Variants in COX20 observed in about 807,000 individuals in gnomAD.
COX20 encodes the protein cytochrome c oxidase assembly protein COX20, mitochondrial.
COX20 carries 14 observed loss-of-function variants against 14.3 expected under a neutral mutation model. The observed-to-expected ratio is 0.98, with a 90% CI of 0.65 to 1.53. The LOEUF (loss-of-function observed/expected upper bound fraction) is 1.53, where lower values mean the gene tolerates loss of function less well. Among genes scored for constraint, COX20 ranks in the 40% most tolerant of loss-of-function variants. COX20 has a pLI of 0.00. For synonymous variants in COX20, 56 were observed against 51.7 expected, an observed-to-expected ratio of 1.08 and a Z score of -0.36; for missense variants, 149 against 142.1, an observed-to-expected ratio of 1.05 and a Z score of -0.25.
Position 244,843,470 on chromosome 1 carries a change from G to T in COX20, c.*294G>T, listed in dbSNP as rs778246400. Reference sequence around the variant, plus strand: ...TGTTTAATGTACTTGGAGTTTCCTTGTAGTAGTAAGTATAGAGTTTGATGA... The same window carrying T: ...TGTTTAATGTACTTGGAGTTTCCTTTTAGTAGTAAGTATAGAGTTTGATGA... On this transcript the variant is annotated 3_prime_UTR_variant, in exon 4 of 4. Coordinates refer to ENST00000411948, the MANE Select transcript of COX20 (RefSeq NM_198076.6). 2.0e-5 allele frequency: 6 copies of T among 302,168 alleles called. No individual in the cohort carries two copies. The highest frequency in any genetic ancestry group is 5.2e-5 in the Admixed American group (1 of 19,322). The allele number at this position is 302,168 out of a possible 1,614,324, so 18.7% of individuals were successfully genotyped here.
rs1368953966 is a variant in COX20 at position 244,843,780 on chromosome 1, A to G, written c.*604A>G. The G allele has an allele frequency of 6.6e-6, 1 of 152,230 alleles. No individual in the cohort carries two copies. Among genetic ancestry groups the G allele is most frequent in the Non-Finnish European group, 1.5e-5 (1 of 68,050 alleles). The allele number at this position is 152,230 out of a possible 1,614,324, so 9.4% of individuals were successfully genotyped here. A position where few individuals can be genotyped will look rare whatever the true frequency, so the allele number is the denominator to read the frequency against. ...TAAGTATAATTAGTTCTGAATTAAA[A>G]TATGCACATGGAACTTGTCTGGCAG... On this transcript the variant is annotated 3_prime_UTR_variant, in exon 4 of 4. Coordinates refer to ENST00000411948, the MANE Select transcript of COX20 (RefSeq NM_198076.6).
At chr1:244,836,954 C>CT (rs1349554499) in intron 1 of COX20, among the ~76,000 whole-genome samples, 1 of 144,776 alleles carries the variant, frequency 6.9e-6, no homozygotes, top group Non-Finnish European at 1.5e-5. Context: ...CTGGAATAAG[C>CT]TTAGTGTTTA....
At chr1:244,842,154 CG>C in intron 2 of COX20, 40 bp from the exon 3 acceptor site, 1 of 1,461,424 alleles carries the variant, frequency 6.8e-7, no homozygotes. Flanking sequence ...ATGTATATAA[CG>C]TAATTATATT....
In COX20 at chr1:244,835,722, C is replaced by G; in HGVS notation, c.8C>G (p.Ala3Gly). MA[A>G]PPEPGEPEER... ...AGTCGCGGAGTAGTCCTCATGGCCGCCCCGCCGGAGCCCGGTGAGCCCGAG... is the reference window on the plus strand; with the variant it reads ...AGTCGCGGAGTAGTCCTCATGGCCGGCCCGCCGGAGCCCGGTGAGCCCGAG... Residue 3 changes from alanine to glycine, a missense_variant, in exon 1 of 4, where the codon GCC becomes GGC. Coordinates refer to ENST00000411948, the MANE Select transcript of COX20 (RefSeq NM_198076.6). The G allele has an allele frequency of 7.9e-7, 1 of 1,268,730 alleles. No homozygotes were observed. Among genetic ancestry groups the G allele is most frequent in the Non-Finnish European group, 1.0e-6 (1 of 1,004,604 alleles). The allele number at this position is 1,268,730 out of a possible 1,614,324, so 78.6% of individuals were successfully genotyped here.
rs923581499 is a variant in COX20, at chr1:244,842,071, AT to A, written c.157+19del. ...TTTTTGTTCACTAGTGAGTATCTGT[AT>A]TTTTTATTTCTCTATGTACTAAAAA... On this transcript the variant is annotated intron_variant, in intron 2 of 3. Transcript: ENST00000411948. 1 of 1,570,602 alleles carries A rather than the reference AT, an allele frequency of 6.4e-7. No homozygotes were observed.
In COX20 at chr1:244,843,713, T is replaced by C. The variant is rs564022698; in HGVS notation, c.*537T>C. 6.6e-6 allele frequency: 1 copy of C among 152,396 alleles called. No homozygotes were observed. Among genetic ancestry groups the C allele is most frequent in the South Asian group, 2.1e-4 (1 of 4,834 alleles). 9.4% of individuals were successfully genotyped at this position (152,396 alleles called of 1,614,324 possible). ...ATCTTCCAAAAGAGTTGTTTTTAAC[T>C]GCCCTAAACATTTTTGGGGAAGTAT... On this transcript the variant is annotated 3_prime_UTR_variant, in exon 4 of 4. Coordinates refer to ENST00000411948, the MANE Select transcript of COX20 (RefSeq NM_198076.6).
rs2102978343 is a variant in COX20, at chr1:244,844,462, TA to T, written c.*1287del. The T allele has an allele frequency of 6.6e-6, 1 of 152,218 alleles. No homozygotes were observed. Among genetic ancestry groups the T allele is most frequent in the South Asian group, 2.1e-4 (1 of 4,824 alleles). 9.4% of individuals were successfully genotyped at this position (152,218 alleles called of 1,614,324 possible). ...ATTATCCAAATTAGTCGTAACCAAA[TA>T]GTTAAAAAATTCTGCTGGGCACGGT... On this transcript the variant is annotated 3_prime_UTR_variant, in exon 4 of 4. Transcript: ENST00000411948.
In COX20 at chr1:244,843,475, A is replaced by T; in HGVS notation, c.*299A>T. 1 of 297,968 alleles carries T rather than the reference A, an allele frequency of 3.4e-6. No individual in the cohort carries two copies. The highest frequency in any genetic ancestry group is 6.2e-6 in the Non-Finnish European group (1 of 160,806). 18.5% of individuals were successfully genotyped at this position (297,968 alleles called of 1,614,324 possible). ...AATGTACTTGGAGTTTCCTTGTAGTAGTAAGTATAGAGTTTGATGATAAGT... is the reference window on the plus strand; with the variant it reads ...AATGTACTTGGAGTTTCCTTGTAGTTGTAAGTATAGAGTTTGATGATAAGT... On this transcript the variant is annotated 3_prime_UTR_variant, in exon 4 of 4. Coordinates refer to ENST00000411948, the MANE Select transcript of COX20 (RefSeq NM_198076.6).
intron 3 of COX20, chr1:244,842,733 G>A (rs1052627906): frequency 1.1e-4 from 27 of 247,172 alleles, no homozygotes; most frequent in East Asian, 4.3e-4. Context: ...TTATTATCCC[G>A]TTAAAAACGA....
upstream of COX20, chr1:244,835,488 G>C: frequency 2.6e-6 from 1 of 385,896 alleles, no homozygotes; most frequent in Non-Finnish European, 4.6e-6. Flanking sequence ...TGTGTGCCGA[G>C]CTTGGAAGAA....
upstream of COX20, chr1:244,835,471 T>C (rs1679932345): frequency 5.4e-6 from 2 of 368,130 alleles, no homozygotes; most frequent in South Asian, 1.5e-4. Context: ...CTCCCGCCCC[T>C]GCAGGCTGTG....
At chr1:244,836,652 G>T in intron 1 of COX20, 1 of 740,954 alleles carries the variant, frequency 1.3e-6, no homozygotes, top group South Asian at 1.9e-5. Flanking sequence ...ATATAAACTA[G>T]GGAGATCGTA....
intron 1 of COX20, 37 bp downstream of exon 1, chr1:244,835,793 G>T: frequency 8.0e-7 from 1 of 1,245,730 alleles, no homozygotes. Context: ...GCCGCGGGTG[G>T]GCGGTGGGTA....
upstream of COX20, chr1:244,835,630 C>A (rs1449818655): frequency 4.1e-6 from 4 of 975,890 alleles, no homozygotes; most frequent in Admixed American, 9.9e-5. Flanking sequence ...CGCGTGGGGG[C>A]GGGACGGGGA....
At chr1:244,841,080 C>A (rs2102974163) in intron 1 of COX20, 1 of 152,236 alleles carries the variant, frequency 6.6e-6, no homozygotes, top group Non-Finnish European at 1.5e-5. Flanking sequence ...GTCTTGCCGC[C>A]CTAGAGTGAC....
chr1:244,841,034 C>T (rs1282893611), intron 1 of COX20: 1 of 152,180 alleles, frequency 6.6e-6, no homozygotes, highest in Non-Finnish European at 1.5e-5. Flanking sequence ...AACAGAAATG[C>T]CAGTTCAGCA....
intron 3 of COX20, 32 bp from the exon 4 acceptor site, chr1:244,843,009 T>A: frequency 6.9e-7 from 1 of 1,446,470 alleles, no homozygotes; most frequent in Non-Finnish European, 9.3e-7. Flanking sequence ...GGACTTTATA[T>A]TAACAATTTA....
intron 3 of COX20, chr1:244,842,652 G>T (rs1259375250): frequency 1.3e-5 from 3 of 238,506 alleles, no homozygotes; most frequent in Non-Finnish European, 2.4e-5. Flanking sequence ...GTACTATATG[G>T]TTCCATTTAT....
chr1:244,841,818 A>C (rs1680210468), intron 1 of COX20, 126 bp from the exon 2 acceptor site: 1 of 613,666 alleles, frequency 1.6e-6, no homozygotes, highest in East Asian at 2.7e-5. Context: ...TTAGGTTGTC[A>C]CGTGGCACAT....
Sources: allele counts gnomAD v4.1 joint callset (sites outside exome capture counted in the v4.1 genomes callset), GRCh38; gene constraint gnomAD v4.1.1; transcripts MANE v1.5; gene names NCBI Gene and HGNC (gene_info 2026-07-23, HGNC 2026-07-21).